The following FRMPD1 variants were observed in gnomAD, a reference collection of about 807,000 sequenced individuals.
The protein encoded by FRMPD1 is FERM and PDZ domain-containing protein 1.
FRMPD1 carries 76 observed loss-of-function variants against 117.8 expected under a neutral mutation model. The observed-to-expected ratio is 0.65, with a 90% CI of 0.54 to 0.78. The LOEUF is 0.78. Ranked by LOEUF, FRMPD1 falls within the 30% of genes least tolerant of loss-of-function variation. The probability of loss-of-function intolerance (pLI) is 0.00; values close to 1 mark genes in which losing one functional copy is unlikely to be tolerated. For synonymous variants in FRMPD1, 783 were observed against 770.4 expected (o/e 1.02, Z -0.27); for missense variants, 1,786 against 1,964.5 (o/e 0.91, Z 1.72).
chr9:37,637,170 C>G, the FRMPD1 span: 1 of 1,610,378 alleles, frequency 6.2e-7, no homozygotes, highest in Non-Finnish European at 8.5e-7. Flanking sequence ...AAGTCCACCC[C>G]GATGGTGCTG....
chr9:37,703,887 T>C (rs1408949798), intron 2 of FRMPD1, among the ~76,000 whole-genome samples: 1 of 152,270 alleles, frequency 6.6e-6, no homozygotes, highest in Non-Finnish European at 1.5e-5. Context: ...TACGGTATTT[T>C]ATTTATCCAT....
chr9:37,695,349 G>A (rs1047559221), intron 2 of FRMPD1, among the ~76,000 whole-genome samples: 3 of 152,170 alleles, frequency 2.0e-5, no homozygotes, highest in Non-Finnish European at 2.9e-5. Flanking sequence ...AGCCATCCTA[G>A]TGGGTGTGGA....
intron 4 of FRMPD1, among the ~76,000 whole-genome samples, 164 bp from the exon 5 acceptor site, chr9:37,711,186 T>C (rs1036496454): frequency 6.6e-6 from 1 of 152,120 alleles, no homozygotes; most frequent in African/African-American, 2.4e-5. Context: ...CCAATATCTT[T>C]CTCAGTTTTG....
chr9:37,744,303 C>T (rs1321820327), intron 15 of FRMPD1, 86 bp from the exon 16 acceptor site: 5 of 975,790 alleles, frequency 5.1e-6, no homozygotes, highest in Non-Finnish European at 7.7e-6. Context: ...GAATTTAAAC[C>T]CAGGAAAGCC....
At chr9:37,735,923 A>G (rs895271559) in intron 13 of FRMPD1, among the ~76,000 whole-genome samples, 189 bp downstream of exon 13, 1 of 152,184 alleles carries the variant, frequency 6.6e-6, no homozygotes, top group African/African-American at 2.4e-5. Context: ...AAGAGGTCCT[A>G]AAAGGTTTTT....
the FRMPD1 span, among the ~76,000 whole-genome samples, chr9:37,633,509 T>C: frequency 8.5e-5 from 13 of 152,346 alleles, no homozygotes; most frequent in South Asian, 2.7e-3. Context: ...AAAGTAATAC[T>C]TCTATAAAAG....
At chr9:37,720,703 G>A (rs10123120) in intron 6 of FRMPD1, among the ~76,000 whole-genome samples, 62,130 of 151,156 alleles carry the variant, frequency 0.41, 12,790 homozygotes, top group South Asian at 0.52. Flanking sequence ...CCTGGCCAAC[G>A]TGGTGAAACC....
the FRMPD1 span, among the ~76,000 whole-genome samples, chr9:37,620,160 G>C: frequency 6.6e-6 from 1 of 152,192 alleles, no homozygotes. Flanking sequence ...AAGGCTTCCA[G>C]ATGAGGACAG....
chr9:37,671,268 C>T (rs1821341555), intron 1 of FRMPD1, among the ~76,000 whole-genome samples: 1 of 152,130 alleles, frequency 6.6e-6, no homozygotes, highest in Admixed American at 6.6e-5. Context: ...CAAGGATCTG[C>T]CTTATTTCAG....
chr9:37,698,643 C>A lies in FRMPD1; in HGVS notation c.101+5901C>A, dbSNP rs1180659614. 1.0e-4 allele frequency among the ~76,000 whole-genome samples: 15 copies of A among 147,880 alleles called. 1 individual carries two copies. Among genetic ancestry groups the A allele is most frequent in the Admixed American group, 8.9e-4 (13 of 14,640 alleles). On this transcript the variant is annotated intron_variant, in intron 2 of 15. Transcript: ENST00000377765. ...GTGGTGCGATCTTGGCTTACTGCAACCTCCACCTCCTGGGTTCAAGAGATT... is the reference window on the plus strand; with the variant it reads ...GTGGTGCGATCTTGGCTTACTGCAAACTCCACCTCCTGGGTTCAAGAGATT...
the FRMPD1 span, among the ~76,000 whole-genome samples, chr9:37,617,751 C>T: frequency 6.6e-6 from 1 of 152,210 alleles, no homozygotes; most frequent in Non-Finnish European, 1.5e-5. Context: ...TATCAAACCT[C>T]ATCTGGAATT....
chr9:37,745,253 C>A lies in FRMPD1; in HGVS notation c.3221C>A (p.Pro1074His), dbSNP rs769285382. ...GAAACTGCCCCCAAATACACAGAGC[C>A]TTTGTTGTCTCCTAGAGATGAGCCT... ...IQETAPKYTE[P>H]LLSPRDEPRS... is the part of the protein sequence containing the mutation. Residue 1074 changes from proline (P) to histidine (H), a missense_variant, in exon 16 of 16, where the codon CCT becomes CAT. Transcript: ENST00000377765. The A allele has an allele frequency of 6.2e-7, 1 of 1,612,644 alleles. No homozygotes were observed. Among genetic ancestry groups the A allele is most frequent in the East Asian group, 2.2e-5 (1 of 44,868 alleles).
chr9:37,640,848 A>C, the FRMPD1 span, among the ~76,000 whole-genome samples: 1 of 152,228 alleles, frequency 6.6e-6, no homozygotes. Context: ...CAGTGGCATC[A>C]ATAAGTACAT....
In FRMPD1 at chr9:37,732,454, G is replaced by T; in HGVS notation, c.995+14G>T. 6.3e-7 allele frequency: 1 copy of T among 1,585,844 alleles called. No homozygotes were observed. The highest frequency in any genetic ancestry group is 1.1e-5 in the South Asian group (1 of 88,140). ...AAAGTATATAGAGTGAGTGGCAGGG[G>T]ATGGCAGCTGCATTGCATTTATAAC... On this transcript the variant is annotated intron_variant, in intron 10 of 15. Transcript: ENST00000377765.
intron 1 of FRMPD1, 67 bp from the exon 2 acceptor site, chr9:37,692,571 C>T: frequency 9.9e-7 from 1 of 1,012,978 alleles, no homozygotes; most frequent in Non-Finnish European, 1.6e-6. Context: ...AAGCATCGTC[C>T]TGATTTATCA....
At chr9:37,739,090 G>A (rs1824264587) in intron 14 of FRMPD1, among the ~76,000 whole-genome samples, 1 of 152,182 alleles carries the variant, frequency 6.6e-6, no homozygotes, top group South Asian at 2.1e-4. Flanking sequence ...GCCATTCTGT[G>A]AGGGAGACAC....
At chr9:37,673,242 A>C (rs575839552) in intron 1 of FRMPD1, among the ~76,000 whole-genome samples, 2 of 152,304 alleles carry the variant, frequency 1.3e-5, no homozygotes, top group East Asian at 3.9e-4. Context: ...GGCCAAAACA[A>C]AGGTGTTACA....
At chr9:37,603,754 C>T in the FRMPD1 span, among the ~76,000 whole-genome samples, 595 of 152,288 alleles carry the variant, frequency 3.9e-3, 3 homozygotes, top group African/African-American at 0.014. Flanking sequence ...TCTCAGCTCA[C>T]TGCAACCTCT....
upstream of FRMPD1, among the ~76,000 whole-genome samples, chr9:37,647,755 G>A (rs1322723628): frequency 6.6e-6 from 1 of 152,192 alleles, no homozygotes; most frequent in Non-Finnish European, 1.5e-5. Flanking sequence ...CATAAGTACA[G>A]CAGAGGCTCA....
Sources: gnomAD v4.1 joint callset for allele counts (sites outside exome capture counted in the v4.1 genomes callset) on GRCh38, gnomAD v4.1.1 for gene constraint, MANE v1.5 for transcripts, NCBI Gene and HGNC (gene_info 2026-07-23, HGNC 2026-07-21) for gene names.